CAST: variants seen among roughly 807,000 people sequenced by gnomAD.
CAST encodes MIR583 host.
Under a neutral mutation model 119.6 loss-of-function variants are expected in CAST, and 76 were observed. That is an observed-to-expected ratio of 0.64 (90% confidence interval 0.53 to 0.77). The LOEUF (loss-of-function observed/expected upper bound fraction) is 0.77. CAST is among the 30% of genes least tolerant of loss of function. The pLI is 0.00. For synonymous variants in CAST, 319 were observed against 331.6 expected, an observed-to-expected ratio of 0.96 and a Z score of 0.41; for missense variants, 953 against 946.5, an observed-to-expected ratio of 1.01 and a Z score of -0.09.
chr5:96,103,804 T>G, the CAST span, among the ~76,000 whole-genome samples: 2 of 151,632 alleles, frequency 1.3e-5, no homozygotes, highest in South Asian at 4.2e-4. Flanking sequence ...TGAACTAGTT[T>G]ACAGTCCCAC....
At position 96,762,335 on chromosome 5, in the gene CAST, C is replaced by G. The variant is rs1373743036; in HGVS notation, c.1895C>G (p.Ser632Ter). The change falls in exon 25 of 32, where the codon TCA becomes TGA. Residue 632 changes from serine (S) to a stop codon, truncating the protein, a stop_gained. Coordinates refer to ENST00000675179, the MANE Select transcript of CAST (RefSeq NM_001750.7). LOFTEE classifies it high-confidence loss of function. Reference sequence around the variant, plus strand: ...GAAGTGGTTTCCCAAACCCCAGCTTCAACGACCCAAGCTGGAGCCCCACCC... The same window carrying G: ...GAAGTGGTTTCCCAAACCCCAGCTTGAACGACCCAAGCTGGAGCCCCACCC... ...ISEVVSQTPA[S>*]TTQAGAPPRD... 6.2e-7 allele frequency: 1 copy of G among 1,607,326 alleles called. No homozygotes were observed. Among genetic ancestry groups the G allele is most frequent in the Non-Finnish European group, 8.5e-7 (1 of 1,177,684 alleles).
chr5:96,002,245 A>G, the CAST span, among the ~76,000 whole-genome samples: 1 of 152,240 alleles, frequency 6.6e-6, no homozygotes, highest in Non-Finnish European at 1.5e-5. Context: ...TCCAGCTTGG[A>G]TTAGCTCAAA....
intron 1 of CAST, among the ~76,000 whole-genome samples, chr5:96,646,323 G>A (rs888396257): frequency 3.3e-5 from 5 of 152,192 alleles, no homozygotes; most frequent in Non-Finnish European, 7.3e-5. Flanking sequence ...CTGCAAAACT[G>A]TTCATTACAG....
At chr5:96,586,002 G>T (rs1353144020) in intron 1 of CAST, among the ~76,000 whole-genome samples, 1 of 152,150 alleles carries the variant, frequency 6.6e-6, no homozygotes, top group Non-Finnish European at 1.5e-5. Context: ...AAAACTAACA[G>T]CTAAGATATA....
the CAST span, among the ~76,000 whole-genome samples, chr5:96,482,497 C>A: frequency 1.3e-5 from 2 of 151,556 alleles, no homozygotes; most frequent in Admixed American, 6.6e-5. Context: ...CTTTGTATGG[C>A]GCTTATAGGC....
At chr5:96,058,418 T>G in the CAST span, among the ~76,000 whole-genome samples, 1 of 152,148 alleles carries the variant, frequency 6.6e-6, no homozygotes, top group South Asian at 2.1e-4. Flanking sequence ...TGGCCACACC[T>G]ACTTCCTTCA....
At chr5:96,281,724 G>A in the CAST span, among the ~76,000 whole-genome samples, 1 of 152,146 alleles carries the variant, frequency 6.6e-6, no homozygotes, top group Non-Finnish European at 1.5e-5. Context: ...CTTAAAAAAG[G>A]TATCTGAAAG....
the CAST span, among the ~76,000 whole-genome samples, chr5:96,412,763 T>TTTGTTTTTTTTTTTTG: frequency 3.5e-5 from 5 of 144,604 alleles, no homozygotes; most frequent in African/African-American, 1.4e-4. Context: ...TTTTTTTTTT[T>TTTGTTTTTTTTTTTTG]TTTTTTTTTT....
intron 1 of CAST, among the ~76,000 whole-genome samples, chr5:96,672,640 G>C (rs557305186): frequency 1.3e-5 from 2 of 149,644 alleles, no homozygotes; most frequent in Admixed American, 1.3e-4. Context: ...TCAGGAGGTG[G>C]AGGTTGCAGT....
the CAST span, among the ~76,000 whole-genome samples, chr5:96,347,426 G>A: frequency 4.6e-5 from 7 of 152,278 alleles, no homozygotes; most frequent in East Asian, 1.4e-3. Context: ...CACACAAAGT[G>A]GATGACCAGG....
the CAST span, among the ~76,000 whole-genome samples, chr5:96,269,812 CA>C: frequency 2.6e-5 from 4 of 152,100 alleles, no homozygotes; most frequent in Non-Finnish European, 5.9e-5. Context: ...TGCTAAGTTA[CA>C]CAAAACATTT....
At chr5:96,337,308 A>C in the CAST span, among the ~76,000 whole-genome samples, 3 of 152,018 alleles carry the variant, frequency 2.0e-5, no homozygotes, top group East Asian at 3.9e-4. Context: ...ATCAAGAGAG[A>C]AAAAAAAGGA....
chr5:96,486,418 A>C, the CAST span, among the ~76,000 whole-genome samples: 3 of 152,178 alleles, frequency 2.0e-5, no homozygotes, highest in Admixed American at 1.3e-4. Context: ...ACAGAGACAC[A>C]CCATTTTACT....
chr5:96,496,839 T>C, the CAST span, among the ~76,000 whole-genome samples: 4 of 152,160 alleles, frequency 2.6e-5, no homozygotes, highest in African/African-American at 7.2e-5. Context: ...TGTTTTGCTT[T>C]TTTTTTAGGG....
At chr5:96,305,980 G>A in the CAST span, among the ~76,000 whole-genome samples, 13 of 152,190 alleles carry the variant, frequency 8.5e-5, no homozygotes, top group Non-Finnish European at 1.3e-4. Context: ...AATGTGTGAA[G>A]GAGGAGTCCC....
At chr5:96,274,973 C>T in the CAST span, among the ~76,000 whole-genome samples, 1 of 152,144 alleles carries the variant, frequency 6.6e-6, no homozygotes, top group Non-Finnish European at 1.5e-5. Context: ...ATTATACCTT[C>T]GTGGGCAGTG....
At chr5:96,692,005 CTG>C (rs1213756456) in intron 2 of CAST, among the ~76,000 whole-genome samples, 3 of 152,164 alleles carry the variant, frequency 2.0e-5, no homozygotes, top group Non-Finnish European at 2.9e-5. Context: ...AATTTTTTCT[CTG>C]AACTACAATA....
chr5:96,429,255 C>T, the CAST span: 2 of 1,603,134 alleles, frequency 1.2e-6, no homozygotes, highest in Middle Eastern at 3.3e-4. Flanking sequence ...GAAAGGCACT[C>T]CTTCGAGACC....
chr5:96,363,107 C>G, the CAST span, among the ~76,000 whole-genome samples: 1 of 144,606 alleles, frequency 6.9e-6, no homozygotes, highest in African/African-American at 2.6e-5. Context: ...TTCCCCATTG[C>G]TTGTTTTTGT....
Sources: gnomAD v4.1 joint callset for allele counts (sites outside exome capture counted in the v4.1 genomes callset) on GRCh38, gnomAD v4.1.1 for gene constraint, MANE v1.5 for transcripts, NCBI Gene and HGNC (gene_info 2026-07-23, HGNC 2026-07-21) for gene names.